The following CELSR1 variants were observed in gnomAD, a reference collection of about 807,000 sequenced individuals.
CELSR1 encodes the protein adhesion G protein-coupled receptor C1.
Under a neutral mutation model 249.1 loss-of-function variants are expected in CELSR1, and 110 were observed. The ratio of observed to expected loss-of-function variants is 0.44; its 90% CI spans 0.38 to 0.52. The LOEUF is 0.52. Ranked by LOEUF, CELSR1 falls within the 20% of genes least tolerant of loss-of-function variation. CELSR1 has a pLI of 0.00. For missense variants in CELSR1, 4,109 were observed against 4,296.4 expected (o/e 0.96, Z 1.22); for synonymous variants, 2,113 against 1,900.0 (o/e 1.11, Z -2.92).
At position 46,534,872 on chromosome 22, in the gene CELSR1, C is replaced by G. The variant is rs769030029; in HGVS notation, c.2299G>C (p.Gly767Arg). The G allele has an allele frequency of 8.1e-6, 13 of 1,612,560 alleles. No homozygotes were observed. Among genetic ancestry groups the G allele is most frequent in the Non-Finnish European group, 1.1e-5 (13 of 1,179,984 alleles). Residue 767 changes from glycine (G) to arginine (R), a missense_variant, in exon 1 of 35, where the codon GGC becomes CGC. Physicochemically the swap from Gly to Arg is moderately radical, Grantham distance 125 (BLOSUM62 -2). Around this residue, in one of 7 missense-constraint regions of CELSR1, gnomAD observed 886 missense variants for 896.5 expected, o/e 0.99. Coordinates refer to ENST00000674500, the MANE Select transcript of CELSR1 (RefSeq NM_001378328.1). This position sits in a 1 kb window ranked among gnomAD's most constrained non-coding sequence, Gnocchi z 9.7. ...QYVLAVTASD[G>R]TRSHTAHVLI... ...ACATGCGCAGTGTGCGACCGTGTGC[C>G]GTCGGATGCTGTCACCGCCAGCACG...
At chr22:46,385,840 GCTA>G (rs2079027074) in intron 19 of CELSR1, among the ~76,000 whole-genome samples, 1 of 151,942 alleles carries the variant, frequency 6.6e-6, no homozygotes, top group Admixed American at 6.6e-5. Context: ...ACCACGACCG[GCTA>G]CTTTTTTGTA....
At chr22:46,397,871 G>A in intron 11 of CELSR1, 23 bp from the exon 12 acceptor site, 1 of 1,504,496 alleles carries the variant, frequency 6.6e-7, no homozygotes, top group Non-Finnish European at 8.9e-7. Flanking sequence ...AACGGCACTG[G>A]GGCTACAGGA....
chr22:46,507,079 G>C (rs3788722), intron 1 of CELSR1, among the ~76,000 whole-genome samples: 1 of 152,038 alleles, frequency 6.6e-6, no homozygotes, highest in Non-Finnish European at 1.5e-5. Context: ...CCAGCTACTC[G>C]GGAGGCTGAG....
intron 1 of CELSR1, among the ~76,000 whole-genome samples, chr22:46,505,413 T>C (rs919917315): frequency 6.6e-6 from 1 of 151,764 alleles, no homozygotes; most frequent in Admixed American, 6.6e-5. Flanking sequence ...GTGGGAAAAT[T>C]GTTTGAGCCC....
At chr22:46,469,604 C>T (rs1393322751) in intron 1 of CELSR1, among the ~76,000 whole-genome samples, 1 of 152,104 alleles carries the variant, frequency 6.6e-6, no homozygotes, top group Non-Finnish European at 1.5e-5. Flanking sequence ...CAACCTCCAC[C>T]TCCCAAATTC....
rs1266956069 is a variant in CELSR1, at chr22:46,464,898, G to A, written c.3545-553C>T. On this transcript the variant is annotated intron_variant, in intron 1 of 34. Transcript: ENST00000674500. The surrounding 1 kb of genome is among the most constrained non-coding windows in gnomAD (Gnocchi z 8.5). ...CTGCCCAGGCGACATCCCCACCGAC[G>A]TGCTGTGCTGAGGGTCCCACTTAGC... 6.6e-6 allele frequency among the ~76,000 whole-genome samples: 1 copy of A among 152,050 alleles called. No homozygotes were observed. The highest frequency in any genetic ancestry group is 2.4e-5 in the African/African-American group (1 of 41,406).
rs538596249 is a variant in CELSR1 at position 46,369,181 on chromosome 22, G to A, written c.7950C>T (p.Ile2650=). ...RKHHYYGKKG[I]VSLLRTAFLL... Reference sequence around the variant, plus strand: ...CGGTCAGGTTCAGCCCCACTTACACGATCCCTTTTTTCCCATAATAATGGT... The same window carrying A: ...CGGTCAGGTTCAGCCCCACTTACACAATCCCTTTTTTCCCATAATAATGGT... The change falls in exon 27 of 35, where the codon ATC becomes ATT. Residue 2650 remains isoleucine, a splice_region_variant and synonymous_variant. Transcript: ENST00000674500. The A allele has an allele frequency of 1.1e-5, 18 of 1,613,822 alleles. No individual in the cohort carries two copies. Among genetic ancestry groups the A allele is most frequent in the African/African-American group, 6.7e-5 (5 of 75,050 alleles).
chr22:46,417,309 C>G lies in CELSR1; in HGVS notation c.4612-5550G>C, dbSNP rs1402421323. 6.6e-6 allele frequency among the ~76,000 whole-genome samples: 1 copy of G among 152,198 alleles called. No individual in the cohort carries two copies. Among genetic ancestry groups the G allele is most frequent in the African/African-American group, 2.4e-5 (1 of 41,448 alleles). On this transcript the variant is annotated intron_variant, in intron 5 of 34. Coordinates refer to ENST00000674500, the MANE Select transcript of CELSR1 (RefSeq NM_001378328.1). The surrounding 1 kb of genome is among the most constrained non-coding windows in gnomAD (Gnocchi z 4.1). Reference sequence around the variant, plus strand: ...AAGGGTCACGAGGAGCAAATTCACGCAGATGCACGCAGCCTTCCAGAATTC... The same window carrying G: ...AAGGGTCACGAGGAGCAAATTCACGGAGATGCACGCAGCCTTCCAGAATTC...
chr22:46,437,489 C>T lies in CELSR1; in HGVS notation c.4407-1200G>A, dbSNP rs1243186215. ...ATTGATGGTTTCGGCTGGCCGGTGG[C>T]TCACGCCTGTAATCCCAGCACTTTG... On this transcript the variant is annotated intron_variant, in intron 3 of 34. Transcript: ENST00000674500. The surrounding 1 kb of genome is among the most constrained non-coding windows in gnomAD (Gnocchi z 4.9). Among the ~76,000 whole-genome samples, 1 of 152,226 alleles carries T rather than the reference C, an allele frequency of 6.6e-6. No individual in the cohort carries two copies. Among genetic ancestry groups the T allele is most frequent in the Non-Finnish European group, 1.5e-5 (1 of 68,040 alleles).
Position 46,500,655 on chromosome 22 carries a change from G to A in CELSR1, c.3544+32972C>T, listed in dbSNP as rs111380060. Among the ~76,000 whole-genome samples the A allele has an allele frequency of 3.5e-4, 53 of 152,308 alleles. 1 individual carries two copies. The highest frequency in any genetic ancestry group is 1.2e-3 in the African/African-American group (51 of 41,574). On this transcript the variant is annotated intron_variant, in intron 1 of 34. Transcript: ENST00000674500. The surrounding 1 kb of genome is among the most constrained non-coding windows in gnomAD (Gnocchi z 4.9). ...TGGGGGAGTTTACAACAATGACTCT[G>A]CAGGCCTTTTGTCAGATGCCATTTT...
At chr22:46,531,743 C>G (rs543558786) in intron 1 of CELSR1, among the ~76,000 whole-genome samples, 1 of 152,228 alleles carries the variant, frequency 6.6e-6, no homozygotes, top group South Asian at 2.1e-4. Context: ...CCACTCAGCT[C>G]CCGGTTACCA....
Position 46,463,571 on chromosome 22 carries a change from G to A in CELSR1, c.4183+136C>T, listed in dbSNP as rs192051526. On this transcript the variant is annotated intron_variant, in intron 2 of 34. Transcript: ENST00000674500. ...TACTGAGATCATCTCAAGGTTCGTGGAGCCCACACCTGGGCCCAGCGCCCA... is the reference window on the plus strand; with the variant it reads ...TACTGAGATCATCTCAAGGTTCGTGAAGCCCACACCTGGGCCCAGCGCCCA... The A allele has an allele frequency of 1.5e-5, 13 of 870,840 alleles. No homozygotes were observed. The East Asian group carries it at 2.5e-4, about 16-fold the overall frequency. The allele number at this position is 870,840 out of a possible 1,614,324, so 53.9% of individuals were successfully genotyped here.
Position 46,490,270 on chromosome 22 carries a change from AG to A in CELSR1, c.3545-25926del, listed in dbSNP as rs2080355033. Among the ~76,000 whole-genome samples the A allele has an allele frequency of 6.6e-6, 1 of 151,872 alleles. No individual in the cohort carries two copies. Among genetic ancestry groups the A allele is most frequent in the Non-Finnish European group, 1.5e-5 (1 of 67,984 alleles). ...AGGGATTCCCCAGGGTCACCTGGAG[AG>A]GTTTTATTTTTATTTTGTTTTATTT... On this transcript the variant is annotated intron_variant, in intron 1 of 34. Transcript: ENST00000674500. The surrounding 1 kb of genome is among the most constrained non-coding windows in gnomAD (Gnocchi z 5.2).
In CELSR1 at chr22:46,436,781, C is replaced by A. The variant is rs1471703773; in HGVS notation, c.4407-492G>T. On this transcript the variant is annotated intron_variant, in intron 3 of 34. Coordinates refer to ENST00000674500, the MANE Select transcript of CELSR1 (RefSeq NM_001378328.1). The surrounding 1 kb of genome is among the most constrained non-coding windows in gnomAD (Gnocchi z 5.9). Reference sequence around the variant, plus strand: ...CATCTTTTGGCTCCCAAACACAGGTCAAAAAGACCCCAGGGCCTTTGCACC... The same window carrying A: ...CATCTTTTGGCTCCCAAACACAGGTAAAAAAGACCCCAGGGCCTTTGCACC... Among the ~76,000 whole-genome samples, 1 of 151,800 alleles carries A rather than the reference C, an allele frequency of 6.6e-6. No homozygotes were observed. The highest frequency in any genetic ancestry group is 1.5e-5 in the Non-Finnish European group (1 of 67,912).
rs71313053 is a variant in CELSR1, at chr22:46,516,726, G to A, written c.3544+16901C>T. Among the ~76,000 whole-genome samples, 138 of 152,088 alleles carry A rather than the reference G, an allele frequency of 9.1e-4. 1 individual carries two copies. Among genetic ancestry groups the A allele is most frequent in the Admixed American group, 2.2e-3 (34 of 15,274 alleles). On this transcript the variant is annotated intron_variant, in intron 1 of 34. Transcript: ENST00000674500. ...CCAGCTCATGTTATGTGGCTCCTCC[G>A]GCCCAACGGACCACAAAGTCCATTC...
chr22:46,389,180 C>T, intron 18 of CELSR1, 110 bp downstream of exon 18: 1 of 1,213,064 alleles, frequency 8.2e-7, no homozygotes, highest in Non-Finnish European at 1.2e-6. Flanking sequence ...GGATCCTGGA[C>T]ACAACCGTCT....
Position 46,364,930 on chromosome 22 carries a change from C to T in CELSR1, c.8555-194G>A, listed in dbSNP as rs149357143. On this transcript the variant is annotated intron_variant, in intron 32 of 34. Transcript: ENST00000674500. Reference sequence around the variant, plus strand: ...CAGGGCCCTTGTTGGGAGCCCCCGCCGCATCTGTACCAGTAACTATACAGG... The same window carrying T: ...CAGGGCCCTTGTTGGGAGCCCCCGCTGCATCTGTACCAGTAACTATACAGG... Among the ~76,000 whole-genome samples the T allele has an allele frequency of 6.1e-4, 93 of 152,332 alleles. 1 individual carries two copies. The East Asian group carries it at 0.016, about 26-fold the overall frequency.
At chr22:46,467,849 G>A (rs1050318507) in intron 1 of CELSR1, among the ~76,000 whole-genome samples, 8 of 151,980 alleles carry the variant, frequency 5.3e-5, no homozygotes, top group African/African-American at 1.9e-4. Context: ...AACTCTGGAA[G>A]GATGCTGCAG....
In CELSR1 at chr22:46,384,606, G is replaced by A; in HGVS notation, c.6820C>T (p.Pro2274Ser). ...GAGACGGAGGACTCCAGCTCCCTGGGGAACTCTTCATGGATGGTGTCGAAT... is the reference window on the plus strand; with the variant it reads ...GAGACGGAGGACTCCAGCTCCCTGGAGAACTCTTCATGGATGGTGTCGAAT... ...PRFDTIHEEF[P>S]RELESSVSFP... Residue 2274 changes from proline (P) to serine (S), a missense_variant, in exon 20 of 35, where the codon CCC becomes TCC. Coordinates refer to ENST00000674500, the MANE Select transcript of CELSR1 (RefSeq NM_001378328.1). 6.2e-7 allele frequency: 1 copy of A among 1,613,794 alleles called. No homozygotes were observed. Among genetic ancestry groups the A allele is most frequent in the South Asian group, 1.1e-5 (1 of 90,948 alleles).
Sources: allele counts gnomAD v4.1 joint callset (sites outside exome capture counted in the v4.1 genomes callset), GRCh38; gene constraint gnomAD v4.1.1; regional missense constraint gnomAD v4.1.1; non-coding constraint Gnocchi (gnomAD v3.1); transcripts MANE v1.5; gene names NCBI Gene and HGNC (gene_info 2026-07-23, HGNC 2026-07-21).